The following SLC22A23 variants were observed in gnomAD, a reference collection of about 807,000 sequenced individuals.
SLC22A23 encodes the protein ion transporter protein.
SLC22A23 carries 26 observed loss-of-function variants against 61.0 expected under a neutral mutation model. The observed-to-expected ratio is 0.43, with a 90% CI of 0.31 to 0.59. The LOEUF is 0.59. SLC22A23 is among the 20% of genes least tolerant of loss of function. The pLI is 0.11. For missense variants in SLC22A23, 796 were observed against 934.7 expected (o/e 0.85, Z 1.94); for synonymous variants, 430 against 413.9 (o/e 1.04, Z -0.47).
At chr6:3,336,558 C>T (rs1476572280) in intron 3 of SLC22A23, among the ~76,000 whole-genome samples, 1 of 152,224 alleles carries the variant, frequency 6.6e-6, no homozygotes, top group Non-Finnish European at 1.5e-5. Flanking sequence ...TCCTGGCAAG[C>T]CAGGTGGCTG....
rs1359997131 is a variant in SLC22A23 at position 3,309,935 on chromosome 6, GC to G, written c.1083-11718del. On this transcript the variant is annotated intron_variant, in intron 4 of 9. Transcript: ENST00000406686. The surrounding 1 kb of genome is among the most constrained non-coding windows in gnomAD (Gnocchi z 4.7). ...GCAGGCCTGGAACCTGGGACTTAAGGCCCCTAAACCTGTGGAGTTTTCCTAC... is the reference window on the plus strand; with the variant it reads ...GCAGGCCTGGAACCTGGGACTTAAGGCCCTAAACCTGTGGAGTTTTCCTAC... 6.6e-5 allele frequency among the ~76,000 whole-genome samples: 10 copies of G among 152,168 alleles called. No individual in the cohort carries two copies. Among genetic ancestry groups the G allele is most frequent in the African/African-American group, 2.4e-4 (10 of 41,448 alleles).
chr6:3,355,940 G>T (rs1028986638), intron 3 of SLC22A23, among the ~76,000 whole-genome samples: 1 of 136,774 alleles, frequency 7.3e-6, no homozygotes, highest in Admixed American at 7.7e-5. Context: ...TTTGTAGGAA[G>T]TTTTTTTTTA....
intron 1 of SLC22A23, among the ~76,000 whole-genome samples, chr6:3,417,492 G>C (rs1437384411): frequency 3.9e-5 from 6 of 152,170 alleles, no homozygotes; most frequent in African/African-American, 1.4e-4. Flanking sequence ...TAAGAATTCA[G>C]ACACAGGAGC....
intron 3 of SLC22A23, among the ~76,000 whole-genome samples, chr6:3,375,409 T>A (rs575753585): frequency 5.3e-5 from 8 of 152,330 alleles, no homozygotes; most frequent in African/African-American, 1.7e-4. Context: ...AGGAAGCTAA[T>A]TGCTTTTCAA....
intron 1 of SLC22A23, among the ~76,000 whole-genome samples, chr6:3,447,683 G>A (rs1273995874): frequency 6.7e-6 from 1 of 149,082 alleles, no homozygotes; most frequent in Admixed American, 6.7e-5. Flanking sequence ...CCGCCTCCCG[G>A]GTTCACGCCA....
intron 4 of SLC22A23, among the ~76,000 whole-genome samples, chr6:3,319,105 G>T (rs893671105): frequency 6.6e-6 from 1 of 152,280 alleles, no homozygotes; most frequent in Admixed American, 6.5e-5. Flanking sequence ...CACAATCCGG[G>T]ACACAGGATT....
In SLC22A23 at chr6:3,456,154, C is replaced by T. The variant is rs1772394892; in HGVS notation, c.406G>A (p.Glu136Lys). ...FWCRGAGKGT[E>K]LAGVTTTGRG... Reference sequence around the variant, plus strand: ...CCTGTGGTGGTGACCCCTGCCAGCTCGGTGCCTTTGCCGGCCCCGCGGCAC... The same window carrying T: ...CCTGTGGTGGTGACCCCTGCCAGCTTGGTGCCTTTGCCGGCCCCGCGGCAC... The change falls in exon 1 of 10, where the codon GAG becomes AAG. Residue 136 changes from glutamate (E) to lysine (K), a missense_variant. Transcript: ENST00000406686. The surrounding 1 kb of genome is among the most constrained non-coding windows in gnomAD (Gnocchi z 7.1). 2 of 1,551,224 alleles carry T rather than the reference C, an allele frequency of 1.3e-6. No individual in the cohort carries two copies. The highest frequency in any genetic ancestry group is 2.4e-5 in the East Asian group (1 of 40,988).
intron 3 of SLC22A23, among the ~76,000 whole-genome samples, chr6:3,399,308 A>G (rs1368583329): frequency 6.6e-6 from 1 of 152,186 alleles, no homozygotes; most frequent in Non-Finnish European, 1.5e-5. Context: ...TCTTACATGG[A>G]TTTTGGGCCA....
Position 3,358,706 on chromosome 6 carries a change from G to C in SLC22A23, c.914-34704C>G, listed in dbSNP as rs141467150. 2.4e-3 allele frequency among the ~76,000 whole-genome samples: 361 copies of C among 152,252 alleles called. 1 individual carries two copies. Among genetic ancestry groups the C allele is most frequent in the African/African-American group, 8.3e-3 (344 of 41,548 alleles). ...GCTGTACACTGAAAAAACCTGTTAA[G>C]AGGGTGGGTCTCATGTTAGATGTTC... On this transcript the variant is annotated intron_variant, in intron 3 of 9. Transcript: ENST00000406686.
In SLC22A23 at chr6:3,324,201, C is replaced by T. The variant is rs1333617381; in HGVS notation, c.914-199G>A. 1.1e-5 allele frequency: 7 copies of T among 617,750 alleles called. No homozygotes were observed. Among genetic ancestry groups the T allele is most frequent in the African/African-American group, 3.7e-5 (2 of 54,308 alleles). The allele number at this position is 617,750 out of a possible 1,614,324, so 38.3% of individuals were successfully genotyped here. ...GCTCCAACTGGGAAGGGAAGTGAGA[C>T]GGTTGTTCAAGGCCACAGGGCTAGT... On this transcript the variant is annotated intron_variant, in intron 3 of 9. Coordinates refer to ENST00000406686, the MANE Select transcript of SLC22A23 (RefSeq NM_015482.2). This position sits in a 1 kb window ranked among gnomAD's most constrained non-coding sequence, Gnocchi z 4.3.
chr6:3,323,412 C>T, intron 4 of SLC22A23: 1 of 450,240 alleles, frequency 2.2e-6, no homozygotes, highest in South Asian at 1.6e-5. Flanking sequence ...TGAAGGTTGC[C>T]CACCCCTCGC....
At chr6:3,335,416 ACT>A (rs138095349) in intron 3 of SLC22A23, among the ~76,000 whole-genome samples, 4,106 of 152,132 alleles carry the variant, frequency 0.027, 209 homozygotes, top group African/African-American at 0.094. Context: ...GGCCATGAGG[ACT>A]CTAACACTAC....
intron 3 of SLC22A23, among the ~76,000 whole-genome samples, chr6:3,380,987 A>C (rs1430763693): frequency 1.3e-5 from 2 of 152,122 alleles, no homozygotes; most frequent in Non-Finnish European, 2.9e-5. Flanking sequence ...CAGTCACAGG[A>C]ATCTGCCTAA....
chr6:3,389,999 C>T (rs558688091), intron 3 of SLC22A23, among the ~76,000 whole-genome samples: 7 of 152,176 alleles, frequency 4.6e-5, no homozygotes, highest in Non-Finnish European at 1.0e-4. Flanking sequence ...GGCTAAAATA[C>T]AAAAGTGACA....
At chr6:3,429,388 C>CA (rs1173668059) in intron 1 of SLC22A23, among the ~76,000 whole-genome samples, 1 of 152,214 alleles carries the variant, frequency 6.6e-6, no homozygotes, top group Non-Finnish European at 1.5e-5. Context: ...CAACAAGAAG[C>CA]AGTCAACTGT....
rs1431324192 is a variant in SLC22A23 at position 3,297,954 on chromosome 6, C to T, written c.1210+137G>A. 2.9e-6 allele frequency: 3 copies of T among 1,033,958 alleles called. No individual in the cohort carries two copies. The highest frequency in any genetic ancestry group is 4.0e-6 in the Non-Finnish European group (3 of 752,688). 64.0% of individuals were successfully genotyped at this position (1,033,958 alleles called of 1,614,324 possible). A position where few individuals can be genotyped will look rare whatever the true frequency, so the allele number is the denominator to read the frequency against. ...AGAGAATGTCAAGGTTGCCACATTG[C>T]CCTTGTGCAGGCCAAAAGGTCACAG... On this transcript the variant is annotated intron_variant, in intron 5 of 9. Coordinates refer to ENST00000406686, the MANE Select transcript of SLC22A23 (RefSeq NM_015482.2). This position sits in a 1 kb window ranked among gnomAD's most constrained non-coding sequence, Gnocchi z 4.3.
intron 4 of SLC22A23, chr6:3,302,968 G>A (rs1314320888): frequency 6.6e-6 from 1 of 151,772 alleles, no homozygotes; most frequent in Non-Finnish European, 1.5e-5. Context: ...ATCTGACAGG[G>A]GATTAACATC....
chr6:3,443,982 G>A (rs1052007964), intron 1 of SLC22A23, among the ~76,000 whole-genome samples: 1 of 152,172 alleles, frequency 6.6e-6, no homozygotes, highest in Non-Finnish European at 1.5e-5. Context: ...CCTTCCACCT[G>A]CTGCCCTGCA....
chr6:3,452,599 T>TAAAAAAAAAAAAA (rs570923626), intron 1 of SLC22A23, among the ~76,000 whole-genome samples: 4 of 40,560 alleles, frequency 9.9e-5, no homozygotes, highest in South Asian at 1.7e-3. Flanking sequence ...AGACGCTGTC[T>TAAAAAAAAAAAAA]AAAAAAAAAA....
Sources: allele counts gnomAD v4.1 joint callset (sites outside exome capture counted in the v4.1 genomes callset), GRCh38; gene constraint gnomAD v4.1.1; non-coding constraint Gnocchi (gnomAD v3.1); transcripts MANE v1.5; gene names NCBI Gene and HGNC (gene_info 2026-07-23, HGNC 2026-07-21).